Variants in SLC22A12 observed in about 807,000 individuals in gnomAD.
SLC22A12 encodes organic anion transporter 4-like protein.
Under a neutral mutation model 52.7 loss-of-function variants are expected in SLC22A12, and 56 were observed. The observed-to-expected ratio is 1.06, with a 90% CI of 0.86 to 1.33. The LOEUF (loss-of-function observed/expected upper bound fraction) is 1.33, where lower values mean the gene tolerates loss of function less well. Among genes scored for constraint, SLC22A12 ranks in the 40% most tolerant of loss-of-function variants. The pLI is 0.00. For missense variants in SLC22A12, 683 were observed against 741.5 expected, an observed-to-expected ratio of 0.92 and a Z score of 0.92; for synonymous variants, 337 against 324.6, an observed-to-expected ratio of 1.04 and a Z score of -0.41.
Position 64,602,019 on chromosome 11 carries a change from C to T in SLC22A12, c.*468C>T. 1 of 252,816 alleles carries T rather than the reference C, an allele frequency of 4.0e-6. No individual in the cohort carries two copies. Among genetic ancestry groups the T allele is most frequent in the Non-Finnish European group, 7.8e-6 (1 of 128,114 alleles). The allele number at this position is 252,816 out of a possible 1,614,324, so 15.7% of individuals were successfully genotyped here. A position where few individuals can be genotyped will look rare whatever the true frequency, so the allele number is the denominator to read the frequency against. On this transcript the variant is annotated 3_prime_UTR_variant, in exon 10 of 10. Coordinates refer to ENST00000377574, the MANE Select transcript of SLC22A12 (RefSeq NM_144585.4). The stretch of plus-strand genomic sequence containing the variant: ...AGCTTTACCCAGAAGCCCTGTAAGC[C>T]TGGCCCCTGGCCCCTCCCCATGTCC...
intron 4 of SLC22A12, among the ~76,000 whole-genome samples, chr11:64,595,284 T>C (rs1296302650): frequency 1.7e-5 from 1 of 57,836 alleles, no homozygotes; most frequent in African/African-American, 6.3e-5. Context: ...GATGGTTGAA[T>C]GGATGGTTGG....
At chr11:64,599,967 G>A (rs1053298932) in intron 7 of SLC22A12, 77 bp downstream of exon 7, 61 of 1,517,100 alleles carry the variant, frequency 4.0e-5, no homozygotes, top group Non-Finnish European at 5.4e-5. Context: ...CCCCTCCTTG[G>A]AGGTGCTGGA....
At position 64,600,463 on chromosome 11, in the gene SLC22A12, C is replaced by T. The variant is rs746864712; in HGVS notation, c.1382C>T (p.Pro461Leu). Residue 461 changes from proline (P) to leucine (L), a missense_variant, in exon 8 of 10, where the codon CCC becomes CTC. By Grantham distance (98) the Pro-to-Leu change is moderately conservative (BLOSUM62 -3). Transcript: ENST00000377574. Reference sequence around the variant, plus strand: ...ACCATCTACAGCAGCGAGCTCTTCCCCACTGTGCTCAGGTGAGGCTGGGCC... The same window carrying T: ...ACCATCTACAGCAGCGAGCTCTTCCTCACTGTGCTCAGGTGAGGCTGGGCC... ...CITIYSSELF[P>L]TVLRMTAVGL... The T allele has an allele frequency of 6.2e-7, 1 of 1,603,376 alleles. No homozygotes were observed. The highest frequency in any genetic ancestry group is 8.5e-7 in the Non-Finnish European group (1 of 1,178,224).
chr11:64,600,828 G>T lies in SLC22A12; in HGVS notation c.1488G>T (p.Leu496=). ...TGCTGGGTGTCCATGGCCCCTGGCTGCCCTTGCTGGTGTATGGGACGGTGC... is the reference window on the plus strand; with the variant it reads ...TGCTGGGTGTCCATGGCCCCTGGCTTCCCTTGCTGGTGTATGGGACGGTGC... ...VRLLGVHGPW[L]PLLVYGTVPV... Residue 496 remains leucine, a synonymous_variant, in exon 9 of 10, where the codon CTG becomes CTT. Coordinates refer to ENST00000377574, the MANE Select transcript of SLC22A12 (RefSeq NM_144585.4). The T allele has an allele frequency of 2.5e-6, 4 of 1,607,450 alleles. No individual in the cohort carries two copies. The South Asian group carries it at 3.3e-5, about 13-fold the overall frequency.
chr11:64,599,577 C>CGCCCCCCCCCTG, intron 6 of SLC22A12, 99 bp from the exon 7 acceptor site: 59 of 771,444 alleles, frequency 7.6e-5, no homozygotes, highest in South Asian at 2.7e-4. Context: ...AAGAGCAGCA[C>CGCCCCCCCCCTG]ACCCCCACCC....
At chr11:64,595,702 T>C (rs1199486813) in intron 4 of SLC22A12, among the ~76,000 whole-genome samples, 5 of 143,994 alleles carry the variant, frequency 3.5e-5, no homozygotes, top group South Asian at 2.2e-4. Context: ...TTGGAATAGA[T>C]GGATGGATGG....
intron 4 of SLC22A12, among the ~76,000 whole-genome samples, chr11:64,597,449 C>T (rs764771546): frequency 3.3e-5 from 5 of 152,188 alleles, no homozygotes; most frequent in Non-Finnish European, 5.9e-5. Flanking sequence ...CTCTCCTCCC[C>T]AAGTCTTCCC....
chr11:64,592,091 A>C, intron 1 of SLC22A12, 133 bp downstream of exon 1: 4 of 1,401,170 alleles, frequency 2.9e-6, no homozygotes, highest in Non-Finnish European at 3.9e-6. Context: ...CGAGCCTCTC[A>C]GCCCCTCGTC....
Position 64,601,750 on chromosome 11 carries a change from G to A in SLC22A12, c.*199G>A, listed in dbSNP as rs2039461044. ...AAGGGGCCCCCTTCAATACTGAAGG[G>A]GAAAAGGACAGTTTGATTGGCAGGA... On this transcript the variant is annotated 3_prime_UTR_variant, in exon 10 of 10. Coordinates refer to ENST00000377574, the MANE Select transcript of SLC22A12 (RefSeq NM_144585.4). 1 of 594,058 alleles carries A rather than the reference G, an allele frequency of 1.7e-6. No individual in the cohort carries two copies. The highest frequency in any genetic ancestry group is 1.9e-5 in the African/African-American group (1 of 53,506). The allele number at this position is 594,058 out of a possible 1,614,324, so 36.8% of individuals were successfully genotyped here. A position where few individuals can be genotyped will look rare whatever the true frequency, so the allele number is the denominator to read the frequency against.
At position 64,598,977 on chromosome 11, in the gene SLC22A12, C is replaced by A; in HGVS notation, c.1070+54C>A. 9 of 1,595,778 alleles carry A rather than the reference C, an allele frequency of 5.6e-6. 1 individual carries two copies. The South Asian group carries it at 7.9e-5, about 14-fold the overall frequency. On this transcript the variant is annotated intron_variant, in intron 6 of 9. Transcript: ENST00000377574. The stretch of plus-strand genomic sequence containing the variant: ...CACAGGGGAACCTGGAATCGGGGCT[C>A]TCGCTGGCACACGGCCCCGGCCTCT...
rs997891905 is a variant in SLC22A12, at chr11:64,597,077, G to T, written c.831-1439G>T. Among the ~76,000 whole-genome samples the T allele has an allele frequency of 2.0e-5, 3 of 152,138 alleles. No individual in the cohort carries two copies. In the South Asian group the frequency reaches 6.2e-4, roughly 31 times the overall value. On this transcript the variant is annotated intron_variant, in intron 4 of 9. Coordinates refer to ENST00000377574, the MANE Select transcript of SLC22A12 (RefSeq NM_144585.4). ...CGTGGCCTCACAAACTGTGCTTAGG[G>T]CTTGACGAACAACCTGGGGTATTGA...
rs1018590522 is a variant in SLC22A12, at chr11:64,591,494, C to T, written c.-63C>T. 17 of 1,599,622 alleles carry T rather than the reference C, an allele frequency of 1.1e-5. No homozygotes were observed. Among genetic ancestry groups the T allele is most frequent in the Middle Eastern group, 1.7e-4 (1 of 6,012 alleles). ...GGGGAAACAGGCCCGTTGCCCTGGC[C>T]TCTTTGCCCTGGGCCAGCCTTTGTG... On this transcript the variant is annotated 5_prime_UTR_variant, in exon 1 of 10. Coordinates refer to ENST00000377574, the MANE Select transcript of SLC22A12 (RefSeq NM_144585.4).
intron 4 of SLC22A12, among the ~76,000 whole-genome samples, chr11:64,597,888 G>A (rs557649359): frequency 2.6e-5 from 4 of 152,162 alleles, no homozygotes; most frequent in African/African-American, 4.8e-5. Flanking sequence ...TCATGAGGCC[G>A]AGATAGCAGA....
At chr11:64,599,591 G>GCCCCCCCCCCCCCTTTTTT in intron 6 of SLC22A12, 85 bp from the exon 7 acceptor site, 3 of 617,178 alleles carry the variant, frequency 4.9e-6, no homozygotes, top group South Asian at 2.6e-5. Context: ...CCCACCCTGA[G>GCCCCCCCCCCCCCTTTTTT]CCCCCACCGC....
chr11:64,600,838 G>T lies in SLC22A12; in HGVS notation c.1498G>T (p.Val500Leu). 1 of 1,608,104 alleles carries T rather than the reference G, an allele frequency of 6.2e-7. No homozygotes were observed. The highest frequency in any genetic ancestry group is 8.5e-7 in the Non-Finnish European group (1 of 1,179,972). ...CCATGGCCCCTGGCTGCCCTTGCTGGTGTATGGGACGGTGCCAGTGCTGAG... is the reference window on the plus strand; with the variant it reads ...CCATGGCCCCTGGCTGCCCTTGCTGTTGTATGGGACGGTGCCAGTGCTGAG... ...GVHGPWLPLLVYGTVPVLSGL... is the reference protein window; with the variant it reads ...GVHGPWLPLLLYGTVPVLSGL... The change falls in exon 9 of 10, where the codon GTG (valine) becomes TTG (leucine). Residue 500 changes from valine to leucine, a missense_variant. By Grantham distance (32) the Val-to-Leu change is conservative. Transcript: ENST00000377574.
chr11:64,594,580 G>A (rs1364401070), intron 4 of SLC22A12, among the ~76,000 whole-genome samples: 1 of 152,190 alleles, frequency 6.6e-6, no homozygotes, highest in Non-Finnish European at 1.5e-5. Flanking sequence ...TGGATGAGTG[G>A]ATGGGTGAGT....
rs1705361 is a variant in SLC22A12, at chr11:64,599,578, A to T, written c.1071-98A>T. On this transcript the variant is annotated intron_variant, in intron 6 of 9. Coordinates refer to ENST00000377574, the MANE Select transcript of SLC22A12 (RefSeq NM_144585.4). ...CAGAACACTGAGCTAAGAGCAGCAC[A>T]CCCCCACCCTGAGCCCCCACCGCCC... is the stretch of plus-strand genomic sequence containing the variant. The T allele has an allele frequency of 3.2e-3, 1,409 of 436,718 alleles. 55 individuals carry two copies. Among genetic ancestry groups the T allele is most frequent in the African/African-American group, 0.027 (1,165 of 43,798 alleles). 27.1% of individuals were successfully genotyped at this position (436,718 alleles called of 1,614,324 possible).
At position 64,598,566 on chromosome 11, in the gene SLC22A12, G is replaced by C. The variant is rs1193396182; in HGVS notation, c.881G>C (p.Trp294Ser). 1 of 1,605,412 alleles carries C rather than the reference G, an allele frequency of 6.2e-7. No homozygotes were observed. Among genetic ancestry groups the C allele is most frequent in the East Asian group, 2.2e-5 (1 of 44,468 alleles). The change falls in exon 5 of 10, where the codon TGG (tryptophan) becomes TCG (serine). Residue 294 changes from tryptophan (W) to serine (S), a missense_variant. By Grantham distance (177) the Trp-to-Ser change is radical (BLOSUM62 -3). Coordinates refer to ENST00000377574, the MANE Select transcript of SLC22A12 (RefSeq NM_144585.4). The stretch of plus-strand genomic sequence containing the variant: ...CTCCTCACCACAGGCAGGCTGGATT[G>C]GGGCCTGCAGGAGCTGTGGAGGGTG... ...RWLLTTGRLD[W>S]GLQELWRVAA...
At chr11:64,594,044 T>C (rs1406005223) in intron 4 of SLC22A12, among the ~76,000 whole-genome samples, 1 of 152,156 alleles carries the variant, frequency 6.6e-6, no homozygotes, top group East Asian at 1.9e-4. Context: ...TTCTCCTACT[T>C]ATTCTTCTCT....
Sources: allele counts gnomAD v4.1 joint callset (sites outside exome capture counted in the v4.1 genomes callset), GRCh38; gene constraint gnomAD v4.1.1; transcripts MANE v1.5; gene names NCBI Gene and HGNC (gene_info 2026-07-23, HGNC 2026-07-21).